Variants in FAM167A observed in about 807,000 individuals in gnomAD.
The protein encoded by FAM167A is family with sequence similarity 167 member A, also known as protein FAM167A.
FAM167A carries 23 observed loss-of-function variants against 14.9 expected under a neutral mutation model. That is an observed-to-expected ratio of 1.55 (90% CI 1.11 to 2.19). The LOEUF is 2.19. Among genes scored for constraint, FAM167A ranks in the 30% most tolerant of loss-of-function variants. The pLI, the probability that FAM167A is intolerant of heterozygous loss-of-function variation, is 0.00. For synonymous variants in FAM167A, 174 were observed against 117.7 expected (o/e 1.48, Z -3.10); for missense variants, 401 against 281.5 (o/e 1.42, Z -3.04).
In FAM167A at chr8:11,424,270, C is replaced by G. The variant is rs1302946608; in HGVS notation, c.*103G>C. 1 of 1,509,842 alleles carries G rather than the reference C, an allele frequency of 6.6e-7. No individual in the cohort carries two copies. Among genetic ancestry groups the G allele is most frequent in the African/African-American group, 1.4e-5 (1 of 72,436 alleles). The allele number at this position is 1,509,842 out of a possible 1,614,324, so 93.5% of individuals were successfully genotyped here. Reference sequence around the variant, plus strand: ...CTTGAGTCGCCAGTCCCAGGGACCCCTGCCTCCGGGAGACCCACTGGAGTA... The same window carrying G: ...CTTGAGTCGCCAGTCCCAGGGACCCGTGCCTCCGGGAGACCCACTGGAGTA... On this transcript the variant is annotated 3_prime_UTR_variant, in exon 3 of 3. Coordinates refer to ENST00000284486, the MANE Select transcript of FAM167A (RefSeq NM_053279.3).
At chr8:11,428,651 C>G (rs1257235408) in intron 2 of FAM167A, among the ~76,000 whole-genome samples, 1 of 152,322 alleles carries the variant, frequency 6.6e-6, no homozygotes, top group Non-Finnish European at 1.5e-5. Flanking sequence ...TTTAGATGCT[C>G]ACAATACATA....
At chr8:11,455,285 T>TGG (rs1306914305) in intron 1 of FAM167A, among the ~76,000 whole-genome samples, 2 of 122,490 alleles carry the variant, frequency 1.6e-5, no homozygotes, top group African/African-American at 6.4e-5. Flanking sequence ...TGTGTGTGTC[T>TGG]GGGGGGGGTG....
chr8:11,449,904 A>G (rs1279939753), intron 1 of FAM167A, among the ~76,000 whole-genome samples: 1 of 152,146 alleles, frequency 6.6e-6, no homozygotes, highest in Non-Finnish European at 1.5e-5. Flanking sequence ...TAATCTGTTC[A>G]CCTGGAAAAC....
intron 2 of FAM167A, among the ~76,000 whole-genome samples, chr8:11,439,935 G>A (rs1427482184): frequency 6.6e-6 from 1 of 152,126 alleles, no homozygotes; most frequent in African/African-American, 2.4e-5. Context: ...GCAGAGGCGT[G>A]TGTGAATGCT....
Position 11,444,560 on chromosome 8 carries a change from G to C in FAM167A, c.-149C>G. ...GGACAGGAGCCGGCCTCAGAGGCTG[G>C]GTGGCAGGGGAGCTGAGAGGGACCG... On this transcript the variant is annotated 5_prime_UTR_variant, in exon 2 of 3. Coordinates refer to ENST00000284486, the MANE Select transcript of FAM167A (RefSeq NM_053279.3). 1 of 1,458,922 alleles carries C rather than the reference G, an allele frequency of 6.9e-7. No homozygotes were observed. The highest frequency in any genetic ancestry group is 2.7e-5 in the Admixed American group (1 of 36,682). The allele number at this position is 1,458,922 out of a possible 1,614,324, so 90.4% of individuals were successfully genotyped here.
At chr8:11,446,129 G>A (rs1806771620) in intron 1 of FAM167A, among the ~76,000 whole-genome samples, 1 of 152,020 alleles carries the variant, frequency 6.6e-6, no homozygotes, top group Admixed American at 6.5e-5. Context: ...GAATTAAGAT[G>A]AGGGTGGCAA....
At chr8:11,467,007 AT>A (rs752042930), upstream of FAM167A, among the ~76,000 whole-genome samples, 4 of 152,154 alleles carry the variant, frequency 2.6e-5, no homozygotes, top group Non-Finnish European at 5.9e-5. Flanking sequence ...CCATTTTCTC[AT>A]TAAACCCGAA....
In FAM167A at chr8:11,422,010, G is replaced by T. The variant is rs529973289; in HGVS notation, c.*2363C>A. On this transcript the variant is annotated 3_prime_UTR_variant, in exon 3 of 3. Transcript: ENST00000284486. ...TGTCCCCCTCCACTTCTCATCTTGG[G>T]TCACCTCCTCATCCCATAATAAAGT... The T allele has an allele frequency of 2.5e-6, 1 of 395,100 alleles. No homozygotes were observed. Among genetic ancestry groups the T allele is most frequent in the Admixed American group, 4.4e-5 (1 of 22,626 alleles). 24.5% of individuals were successfully genotyped at this position (395,100 alleles called of 1,614,324 possible). A position where few individuals can be genotyped will look rare whatever the true frequency, so the allele number is the denominator to read the frequency against.
At chr8:11,461,796 T>G (rs1398244744) in intron 1 of FAM167A, among the ~76,000 whole-genome samples, 3 of 152,254 alleles carry the variant, frequency 2.0e-5, no homozygotes, top group Non-Finnish European at 4.4e-5. Context: ...GATGATCTGA[T>G]TTCTATTTTA....
chr8:11,437,769 C>T (rs1478195936), intron 2 of FAM167A, among the ~76,000 whole-genome samples: 1 of 152,004 alleles, frequency 6.6e-6, no homozygotes, highest in Non-Finnish European at 1.5e-5. Flanking sequence ...GGGAGGGTGC[C>T]CATCAGAGGA....
intron 1 of FAM167A, among the ~76,000 whole-genome samples, chr8:11,451,660 A>G (rs973446221): frequency 3.3e-5 from 5 of 152,114 alleles, no homozygotes; most frequent in African/African-American, 1.2e-4. Context: ...TGAGCATGTG[A>G]CCTGAGCTTG....
At chr8:11,471,702 G>A (rs938857528), upstream of FAM167A, among the ~76,000 whole-genome samples, 2 of 152,224 alleles carry the variant, frequency 1.3e-5, no homozygotes, top group African/African-American at 2.4e-5. Flanking sequence ...CCTGCCCTGC[G>A]CTTTCTCCAG....
At chr8:11,454,136 A>G (rs909265389) in intron 1 of FAM167A, among the ~76,000 whole-genome samples, 1 of 152,150 alleles carries the variant, frequency 6.6e-6, no homozygotes, top group African/African-American at 2.4e-5. Context: ...GGGGGATGGG[A>G]TGTCTTTAGT....
intron 2 of FAM167A, among the ~76,000 whole-genome samples, chr8:11,441,830 C>A (rs1237197625): frequency 6.6e-6 from 1 of 152,172 alleles, no homozygotes. Flanking sequence ...TCTGCCCCCA[C>A]CCCCATGCAT....
At chr8:11,451,794 C>G (rs1339550294) in intron 1 of FAM167A, among the ~76,000 whole-genome samples, 1 of 152,186 alleles carries the variant, frequency 6.6e-6, no homozygotes, top group Non-Finnish European at 1.5e-5. Flanking sequence ...GCGGTGGCAT[C>G]CTCTTAGCCA....
At position 11,423,819 on chromosome 8, in the gene FAM167A, A is replaced by G. The variant is rs1271879682; in HGVS notation, c.*554T>C. ...GCCAGCCACTGGGGCTGCGTCCCCA[A>G]GTGCCCATTTGTCATGCCTTTCGAT... On this transcript the variant is annotated 3_prime_UTR_variant, in exon 3 of 3. Transcript: ENST00000284486. 1 of 158,300 alleles carries G rather than the reference A, an allele frequency of 6.3e-6. No individual in the cohort carries two copies. Among genetic ancestry groups the G allele is most frequent in the Non-Finnish European group, 1.4e-5 (1 of 71,426 alleles). The allele number at this position is 158,300 out of a possible 1,614,324, so 9.8% of individuals were successfully genotyped here.
chr8:11,466,905 C>A (rs530563347), upstream of FAM167A: 1 of 152,358 alleles, frequency 6.6e-6, no homozygotes, highest in Admixed American at 6.5e-5. Context: ...CGGGTCCTAG[C>A]GCCCTGTCGG....
intron 1 of FAM167A, among the ~76,000 whole-genome samples, chr8:11,451,470 G>A (rs1034686103): frequency 5.9e-5 from 9 of 152,388 alleles, no homozygotes; most frequent in African/African-American, 1.9e-4. Context: ...CACAGTGGAT[G>A]CTTGCTGCTA....
intron 2 of FAM167A, among the ~76,000 whole-genome samples, chr8:11,427,322 T>C (rs1188347010): frequency 2.0e-5 from 3 of 152,210 alleles, no homozygotes; most frequent in Non-Finnish European, 2.9e-5. Flanking sequence ...ACATGGTACA[T>C]AGGGACTGGC....
Sources: allele counts gnomAD v4.1 joint callset (sites outside exome capture counted in the v4.1 genomes callset), GRCh38; gene constraint gnomAD v4.1.1; transcripts MANE v1.5; gene names NCBI Gene and HGNC (gene_info 2026-07-23, HGNC 2026-07-21).